NDUFA9: variants seen among roughly 807,000 people sequenced by gnomAD.
NDUFA9 encodes NADH dehydrogenase [ubiquinone] 1 alpha subcomplex subunit 9, mitochondrial.
NDUFA9 carries 23 observed loss-of-function variants against 45.9 expected under a neutral mutation model. That is an observed-to-expected ratio of 0.50 (90% CI 0.36 to 0.71). The LOEUF is 0.71. NDUFA9 is among the 30% of genes least tolerant of loss of function. The probability of loss-of-function intolerance (pLI) is 0.00; values close to 1 mark genes in which losing one functional copy is unlikely to be tolerated. For synonymous variants in NDUFA9, 176 were observed against 170.5 expected (o/e 1.03, Z -0.25); for missense variants, 466 against 488.2 (o/e 0.95, Z 0.43).
rs4147683 is a variant in NDUFA9 at position 4,659,338 on chromosome 12, C to T, written c.552+161C>T. 0.18 allele frequency among the ~76,000 whole-genome samples: 26,069 copies of T among 145,294 alleles called. 2,387 individuals are homozygous for T. Among genetic ancestry groups the T allele is most frequent in the East Asian group, 0.36 (1,816 of 5,024 alleles). On this transcript the variant is annotated intron_variant, in intron 5 of 10. Coordinates refer to ENST00000266544, the MANE Select transcript of NDUFA9 (RefSeq NM_005002.5). ...ACTAGGGGTGTGTGTGATGTTTTGA[C>T]GTTTTGATTGATTGCCTTCTGTTTG...
Position 4,662,610 on chromosome 12 carries a change from G to A in NDUFA9, c.630G>A (p.Glu210=), listed in dbSNP as rs185126760. 9 of 1,613,572 alleles carry A rather than the reference G, an allele frequency of 5.6e-6. No individual in the cohort carries two copies. The highest frequency in any genetic ancestry group is 7.6e-6 in the Non-Finnish European group (9 of 1,179,690). The stretch of plus-strand genomic sequence containing the variant: ...AGCCGTCGGACATCTTTGGAAGAGA[G>A]GATAGATTCCTTAATTCTTTTGCAA... The part of the protein sequence containing the change: ...IVKPSDIFGR[E]DRFLNSFASM... Residue 210 remains glutamate (E), a synonymous_variant, in exon 6 of 11, where the codon GAG becomes GAA. Transcript: ENST00000266544.
chr12:4,659,319 G>A, intron 5 of NDUFA9, 142 bp downstream of exon 5: 1 of 739,662 alleles, frequency 1.4e-6, no homozygotes, highest in Admixed American at 2.9e-5. Context: ...CAGAACTAGG[G>A]GTGTGTGTGA....
chr12:4,652,998 C>T (rs561313032), intron 1 of NDUFA9, among the ~76,000 whole-genome samples: 2 of 152,392 alleles, frequency 1.3e-5, no homozygotes, highest in East Asian at 3.9e-4. Context: ...CTGTTTGTGT[C>T]TTTCACCTCT....
intron 6 of NDUFA9, among the ~76,000 whole-genome samples, chr12:4,666,459 C>T (rs1487178888): frequency 6.6e-6 from 1 of 152,094 alleles, no homozygotes; most frequent in Admixed American, 6.5e-5. Flanking sequence ...GAGTCGTTGC[C>T]AAGTCCAATG....
At chr12:4,669,948 A>C (rs1418291449) in intron 8 of NDUFA9, 131 bp downstream of exon 8, 1 of 693,578 alleles carries the variant, frequency 1.4e-6, no homozygotes, top group African/African-American at 1.8e-5. Flanking sequence ...GCATTAAATC[A>C]GAATTTGAGG....
Position 4,687,022 on chromosome 12 carries a change from A to G in NDUFA9, c.1048A>G (p.Ile350Val), listed in dbSNP as rs149268453. 8.1e-6 allele frequency: 13 copies of G among 1,614,204 alleles called. No individual in the cohort carries two copies. In the East Asian group the frequency reaches 2.2e-4, roughly 28 times the overall value. The change falls in exon 11 of 11, where the codon ATT becomes GTT. Residue 350 changes from isoleucine (I) to valine (V), a missense_variant. Transcript: ENST00000266544. ...IQATPLELKA[I>V]EVLRRHRTYR... Reference sequence around the variant, plus strand: ...GGCAACACCACTGGAACTCAAGGCCATTGAGGTGCTGCGGCGTCATCGCAC... The same window carrying G: ...GGCAACACCACTGGAACTCAAGGCCGTTGAGGTGCTGCGGCGTCATCGCAC...
rs1246354122 is a variant in NDUFA9, at chr12:4,692,434, G to T, written c.*5326G>T. 6.6e-6 allele frequency: 1 copy of T among 152,306 alleles called. No homozygotes were observed. The highest frequency in any genetic ancestry group is 1.9e-4 in the East Asian group (1 of 5,202). 9.4% of individuals were successfully genotyped at this position (152,306 alleles called of 1,614,324 possible). On this transcript the variant is annotated 3_prime_UTR_variant, in exon 11 of 11. Coordinates refer to ENST00000266544, the MANE Select transcript of NDUFA9 (RefSeq NM_005002.5). Reference sequence around the variant, plus strand: ...GAAGCTTCCTGAAGCCTCCCCAGAAGCAGATGCCTATGTGACGCTTCCTGT... The same window carrying T: ...GAAGCTTCCTGAAGCCTCCCCAGAATCAGATGCCTATGTGACGCTTCCTGT...
chr12:4,660,563 G>A (rs1945817432), intron 5 of NDUFA9, among the ~76,000 whole-genome samples: 1 of 152,260 alleles, frequency 6.6e-6, no homozygotes, highest in East Asian at 1.9e-4. Context: ...GGTAGTTTCA[G>A]ATTGGGCCCA....
chr12:4,683,132 G>A (rs1276320005), intron 9 of NDUFA9, among the ~76,000 whole-genome samples: 1 of 151,556 alleles, frequency 6.6e-6, no homozygotes, highest in African/African-American at 2.4e-5. Flanking sequence ...CTTGAGTTCA[G>A]GAGTTTGAAT....
intron 10 of NDUFA9, 62 bp from the exon 11 acceptor site, chr12:4,686,876 A>G: frequency 6.7e-7 from 1 of 1,499,868 alleles, no homozygotes; most frequent in Admixed American, 1.9e-5. Context: ...AGTGCCTGCT[A>G]GGATAGCACT....
At chr12:4,656,675 T>C (rs1164907528) in intron 3 of NDUFA9, among the ~76,000 whole-genome samples, 1 of 152,244 alleles carries the variant, frequency 6.6e-6, no homozygotes, top group East Asian at 1.9e-4. Flanking sequence ...CCTGAAAATT[T>C]GGTTTCCTTT....
At chr12:4,666,552 T>A (rs1945854188) in intron 6 of NDUFA9, among the ~76,000 whole-genome samples, 1 of 152,214 alleles carries the variant, frequency 6.6e-6, no homozygotes, top group Admixed American at 6.5e-5. Flanking sequence ...CATTTTGACT[T>A]AGTTTTTGTA....
At position 4,677,959 on chromosome 12, in the gene NDUFA9, G is replaced by A. The variant is rs182560677; in HGVS notation, c.801-4246G>A. ...TACACCATGGAATACTATGCAGCCAGTATACAGAAAAGGATGAGTTCATGT... is the reference window on the plus strand; with the variant it reads ...TACACCATGGAATACTATGCAGCCAATATACAGAAAAGGATGAGTTCATGT... On this transcript the variant is annotated intron_variant, in intron 8 of 10. Coordinates refer to ENST00000266544, the MANE Select transcript of NDUFA9 (RefSeq NM_005002.5). Among the ~76,000 whole-genome samples, 3 of 152,122 alleles carry A rather than the reference G, an allele frequency of 2.0e-5. No homozygotes were observed. In the East Asian group the frequency reaches 5.8e-4, roughly 29 times the overall value.
intron 1 of NDUFA9, chr12:4,653,395 C>G: frequency 7.1e-6 from 2 of 281,244 alleles, no homozygotes; most frequent in Non-Finnish European, 1.4e-5. Flanking sequence ...TAGAATGGCT[C>G]AAAGCAGAAT....
Position 4,694,131 on chromosome 12 carries a change from TAGC to T in NDUFA9, c.*7026_*7028del, listed in dbSNP as rs1283043397. Reference sequence around the variant, plus strand: ...AACTCTGTAAGCTGTAGGTAACTGATAGCAGAGCAAAATAATTCTTGTCTATAG... The same window carrying T: ...AACTCTGTAAGCTGTAGGTAACTGATAGAGCAAAATAATTCTTGTCTATAG... On this transcript the variant is annotated 3_prime_UTR_variant, in exon 11 of 11. Coordinates refer to ENST00000266544, the MANE Select transcript of NDUFA9 (RefSeq NM_005002.5). 6.6e-6 allele frequency: 1 copy of T among 152,256 alleles called. No individual in the cohort carries two copies. The allele number at this position is 152,256 out of a possible 1,614,324, so 9.4% of individuals were successfully genotyped here.
intron 6 of NDUFA9, among the ~76,000 whole-genome samples, chr12:4,663,211 T>C (rs1945833850): frequency 6.6e-6 from 1 of 152,232 alleles, no homozygotes; most frequent in Admixed American, 6.5e-5. Context: ...TTCCATTGTA[T>C]TGGATATTGG....
chr12:4,685,369 G>T (rs749056983), intron 10 of NDUFA9, 44 bp downstream of exon 10: 1 of 1,553,564 alleles, frequency 6.4e-7, no homozygotes, highest in Admixed American at 1.7e-5. Context: ...AGATGATGAG[G>T]CGTTAGACTT....
Position 4,682,184 on chromosome 12 carries a change from CTGTGTAT to C in NDUFA9, c.801-17_801-11del. Reference sequence around the variant, plus strand: ...TGTGAGAAGCGTGTAATTGAAAGAACTGTGTATTGTCTTTTTATAGTCCCAGTCGGTA... The same window carrying C: ...TGTGAGAAGCGTGTAATTGAAAGAACTGTCTTTTTATAGTCCCAGTCGGTA... On this transcript the variant is annotated splice_polypyrimidine_tract_variant and intron_variant, in intron 8 of 10. Transcript: ENST00000266544. The C allele has an allele frequency of 6.5e-6, 10 of 1,533,982 alleles. No individual in the cohort carries two copies. Among genetic ancestry groups the C allele is most frequent in the Non-Finnish European group, 8.9e-6 (10 of 1,121,274 alleles).
chr12:4,672,348 A>T (rs1039718373), intron 8 of NDUFA9, among the ~76,000 whole-genome samples: 43 of 152,102 alleles, frequency 2.8e-4, no homozygotes, highest in Admixed American at 1.3e-3. Flanking sequence ...TTTTTTTTCC[A>T]TATCCCAGTG....
Sources: gnomAD v4.1 joint callset for allele counts (sites outside exome capture counted in the v4.1 genomes callset) on GRCh38, gnomAD v4.1.1 for gene constraint, MANE v1.5 for transcripts, NCBI Gene and HGNC (gene_info 2026-07-23, HGNC 2026-07-21) for gene names.